The following HPSE2 variants were observed in gnomAD, a reference collection of about 807,000 sequenced individuals.
The protein encoded by HPSE2 is heparanase 2 (inactive).
A neutral mutation model predicts 60.5 loss-of-function variants in HPSE2; 38 were observed. The ratio of observed to expected loss-of-function variants is 0.63; its 90% CI spans 0.48 to 0.82. The LOEUF (loss-of-function observed/expected upper bound fraction) is 0.82. HPSE2 is among the 40% of genes least tolerant of loss of function. The probability of loss-of-function intolerance (pLI) is 0.00; values close to 1 mark genes in which losing one functional copy is unlikely to be tolerated. For missense variants in HPSE2, 713 were observed against 740.4 expected (o/e 0.96, Z 0.43); for synonymous variants, 295 against 293.2 (o/e 1.01, Z -0.06).
intron 7 of HPSE2, among the ~76,000 whole-genome samples, chr10:98,635,314 C>G (rs972975844): frequency 6.6e-6 from 1 of 152,138 alleles, no homozygotes; most frequent in Non-Finnish European, 1.5e-5. Flanking sequence ...TTATGGAAAA[C>G]AGTATGGAAG....
intron 3 of HPSE2, among the ~76,000 whole-genome samples, chr10:98,794,623 C>CT (rs2134497339): frequency 1.3e-5 from 2 of 152,174 alleles, no homozygotes; most frequent in Non-Finnish European, 2.9e-5. Context: ...TTTTAAAGAA[C>CT]TTGCCATTTA....
At chr10:99,220,807 C>CA (rs113095503) in intron 2 of HPSE2, among the ~76,000 whole-genome samples, 898 of 56,174 alleles carry the variant, frequency 0.016, 5 homozygotes, top group Middle Eastern at 0.029. Flanking sequence ...GACTCCGTCT[C>CA]AAAAAAAAAA....
chr10:99,058,955 A>G (rs1958173734), intron 3 of HPSE2, among the ~76,000 whole-genome samples: 1 of 152,212 alleles, frequency 6.6e-6, no homozygotes, highest in South Asian at 2.1e-4. Context: ...ACAACTATTC[A>G]ACTTTGCTGT....
intron 6 of HPSE2, among the ~76,000 whole-genome samples, chr10:98,644,221 T>C (rs2134042566): frequency 6.6e-6 from 1 of 152,292 alleles, no homozygotes; most frequent in African/African-American, 2.4e-5. Context: ...TTTCACAGGG[T>C]TGGTGTACTG....
At chr10:98,502,490 T>C (rs764334981) in intron 9 of HPSE2, among the ~76,000 whole-genome samples, 36 of 152,202 alleles carry the variant, frequency 2.4e-4, no homozygotes, top group Non-Finnish European at 1.2e-4. Flanking sequence ...GATAACTGGC[T>C]AGCCACATGT....
chr10:98,596,929 G>A (rs189574613), intron 9 of HPSE2, among the ~76,000 whole-genome samples: 1 of 152,254 alleles, frequency 6.6e-6, no homozygotes, highest in Admixed American at 6.5e-5. Flanking sequence ...AAAGGAAAGA[G>A]GTTTAATTGA....
chr10:98,962,619 T>G (rs1813615168), intron 3 of HPSE2, among the ~76,000 whole-genome samples: 2 of 150,264 alleles, frequency 1.3e-5, no homozygotes, highest in African/African-American at 4.9e-5. Flanking sequence ...GGTATTCAAT[T>G]AGGAAAAGAG....
chr10:98,469,735 C>T (rs1056226226), intron 11 of HPSE2, among the ~76,000 whole-genome samples: 2 of 152,150 alleles, frequency 1.3e-5, no homozygotes, highest in African/African-American at 4.8e-5. Flanking sequence ...TTTGCCACCT[C>T]CCAAACAAAA....
chr10:99,042,432 C>T (rs182993713), intron 3 of HPSE2, among the ~76,000 whole-genome samples: 1 of 152,152 alleles, frequency 6.6e-6, no homozygotes, highest in East Asian at 1.9e-4. Context: ...CCAGACAGTC[C>T]CTCTGCCATA....
chr10:98,930,220 G>C (rs991964417), intron 3 of HPSE2, among the ~76,000 whole-genome samples: 6 of 143,818 alleles, frequency 4.2e-5, no homozygotes, highest in Admixed American at 1.4e-4. Flanking sequence ...CCACTTATAA[G>C]TGAGAACATG....
At chr10:99,074,460 T>A (rs944267068) in intron 3 of HPSE2, among the ~76,000 whole-genome samples, 1 of 152,172 alleles carries the variant, frequency 6.6e-6, no homozygotes, top group East Asian at 1.9e-4. Flanking sequence ...AGTTTGCTAG[T>A]ATTTTGTTAA....
At chr10:99,132,697 T>A (rs1330027079) in intron 3 of HPSE2, among the ~76,000 whole-genome samples, 1 of 152,048 alleles carries the variant, frequency 6.6e-6, no homozygotes, top group African/African-American at 2.4e-5. Context: ...CCTGAGGAAC[T>A]CAGGCACAGA....
intron 4 of HPSE2, among the ~76,000 whole-genome samples, chr10:98,732,102 A>G (rs1384792027): frequency 1.3e-5 from 2 of 152,194 alleles, no homozygotes; most frequent in Non-Finnish European, 2.9e-5. Flanking sequence ...AAACTTATAC[A>G]CTGAAAACTA....
intron 3 of HPSE2, among the ~76,000 whole-genome samples, chr10:98,895,688 A>G (rs1295034409): frequency 3.3e-5 from 5 of 151,716 alleles, no homozygotes; most frequent in African/African-American, 9.7e-5. Context: ...ACCAACCCAA[A>G]TGTCTAACAA....
intron 10 of HPSE2, among the ~76,000 whole-genome samples, chr10:98,488,538 C>G (rs893778204): frequency 1.3e-5 from 2 of 152,180 alleles, no homozygotes; most frequent in East Asian, 3.9e-4. Context: ...TATGAGGAGA[C>G]GCAAATCCTG....
chr10:99,061,994 A>AG (rs1025643943), intron 3 of HPSE2, among the ~76,000 whole-genome samples: 95 of 152,290 alleles, frequency 6.2e-4, no homozygotes, highest in African/African-American at 2.2e-3. Flanking sequence ...GAGGGCATAG[A>AG]GGAGGGAGAA....
chr10:98,867,771 A>C (rs1247176539), intron 3 of HPSE2, among the ~76,000 whole-genome samples: 1 of 152,158 alleles, frequency 6.6e-6, no homozygotes, highest in Non-Finnish European at 1.5e-5. Context: ...TGGATAAAGA[A>C]ACTGTGGGCT....
intron 6 of HPSE2, among the ~76,000 whole-genome samples, chr10:98,669,444 G>A (rs1225634684): frequency 6.6e-6 from 1 of 152,200 alleles, no homozygotes; most frequent in Non-Finnish European, 1.5e-5. Context: ...CTATGTTCAT[G>A]GCTGCATTAT....
At position 98,457,807 on chromosome 10, in the gene HPSE2, T is replaced by G. The variant is rs1035215323; in HGVS notation, c.*1767A>C. 2.6e-5 allele frequency: 4 copies of G among 152,146 alleles called. No homozygotes were observed. Among genetic ancestry groups the G allele is most frequent in the Admixed American group, 2.6e-4 (4 of 15,264 alleles). 9.4% of individuals were successfully genotyped at this position (152,146 alleles called of 1,614,324 possible). A position where few individuals can be genotyped will look rare whatever the true frequency, so the allele number is the denominator to read the frequency against. The stretch of plus-strand genomic sequence containing the variant: ...GAAACGGGTCCCTTCTGGGCAGCCT[T>G]GCAGGGCGGTCTCAGGGTCTGCCCC... On this transcript the variant is annotated 3_prime_UTR_variant, in exon 12 of 12. Coordinates refer to ENST00000370552, the MANE Select transcript of HPSE2 (RefSeq NM_021828.5).
Sources: gnomAD v4.1 joint callset for allele counts (sites outside exome capture counted in the v4.1 genomes callset) on GRCh38, gnomAD v4.1.1 for gene constraint, MANE v1.5 for transcripts, NCBI Gene and HGNC (gene_info 2026-07-23, HGNC 2026-07-21) for gene names.